KANK1: variants seen among roughly 807,000 people sequenced by gnomAD.
The protein encoded by KANK1 is KN motif and ankyrin repeat domain-containing protein 1.
KANK1 carries 109 observed loss-of-function variants against 106.2 expected under a neutral mutation model. The ratio of observed to expected loss-of-function variants is 1.03; its 90% CI spans 0.88 to 1.20. KANK1 has a LOEUF of 1.20. Among genes scored for constraint, KANK1 ranks in the 50% most tolerant of loss-of-function variants. The pLI, the probability that KANK1 is intolerant of heterozygous loss-of-function variation, is 0.00. For missense variants in KANK1, 2,399 were observed against 1,710.7 expected (o/e 1.40, Z -7.10); for synonymous variants, 873 against 652.2 (o/e 1.34, Z -5.16).
intron 1 of KANK1, among the ~76,000 whole-genome samples, chr9:572,492 C>T (rs1287338137): frequency 1.3e-5 from 2 of 151,968 alleles, no homozygotes; most frequent in South Asian, 2.1e-4. Context: ...GTGGAGCTTG[C>T]AGTGAGCCGA....
At chr9:538,367 G>A (rs2133767743) in intron 1 of KANK1, among the ~76,000 whole-genome samples, 1 of 152,278 alleles carries the variant, frequency 6.6e-6, no homozygotes, top group South Asian at 2.1e-4. Context: ...AGGAGGGGCA[G>A]ACATCTTACA....
intron 1 of KANK1, among the ~76,000 whole-genome samples, chr9:601,960 A>G (rs1022496950): frequency 6.6e-6 from 1 of 151,822 alleles, no homozygotes; most frequent in African/African-American, 2.4e-5. Context: ...CATGAGTTTT[A>G]TGGTGAGCTC....
At chr9:534,914 A>T (rs530401785) in intron 1 of KANK1, among the ~76,000 whole-genome samples, 6 of 152,290 alleles carry the variant, frequency 3.9e-5, no homozygotes, top group Admixed American at 3.3e-4. Context: ...AATTCCATGG[A>T]TGGAGATGGG....
chr9:544,525 G>T (rs1251983523), intron 1 of KANK1, among the ~76,000 whole-genome samples: 2 of 152,308 alleles, frequency 1.3e-5, no homozygotes, highest in East Asian at 3.9e-4. Context: ...CAAACACTAT[G>T]TGGAGGAATA....
chr9:508,219 A>G (rs1275643686), intron 1 of KANK1, among the ~76,000 whole-genome samples: 1 of 131,862 alleles, frequency 7.6e-6, no homozygotes, highest in Non-Finnish European at 1.5e-5. Flanking sequence ...GCTCACTGCA[A>G]CCTCTGCCTC....
At chr9:744,041 A>T (rs1359088002) in intron 10 of KANK1, among the ~76,000 whole-genome samples, 1 of 152,204 alleles carries the variant, frequency 6.6e-6, no homozygotes, top group Non-Finnish European at 1.5e-5. Flanking sequence ...TTGCGTGCTT[A>T]CACACAGATG....
chr9:577,607 G>C (rs530585974), intron 1 of KANK1, among the ~76,000 whole-genome samples: 29 of 152,280 alleles, frequency 1.9e-4, no homozygotes, highest in East Asian at 1.4e-3. Flanking sequence ...CCACCCTTCA[G>C]ACTTCTTTGT....
intron 1 of KANK1, among the ~76,000 whole-genome samples, chr9:668,780 T>C (rs1845247970): frequency 1.3e-5 from 2 of 152,142 alleles, no homozygotes; most frequent in Non-Finnish European, 1.5e-5. Flanking sequence ...ATGGAAGACA[T>C]TTTTTCCATA....
At chr9:732,077 C>G in intron 5 of KANK1, 1 of 217,148 alleles carries the variant, frequency 4.6e-6, no homozygotes, top group Non-Finnish European at 9.3e-6. Flanking sequence ...AAGCACCTAC[C>G]GATCTGTTTT....
chr9:596,984 TA>T (rs1826380769), intron 1 of KANK1, among the ~76,000 whole-genome samples: 1 of 151,952 alleles, frequency 6.6e-6, no homozygotes, highest in Non-Finnish European at 1.5e-5. Flanking sequence ...ACATGTAAAA[TA>T]AATGTTCTCA....
chr9:669,082 C>T (rs938008728), intron 1 of KANK1, among the ~76,000 whole-genome samples: 13 of 152,096 alleles, frequency 8.5e-5, no homozygotes, highest in African/African-American at 3.1e-4. Context: ...TAAAACAACC[C>T]TCCATCTTTA....
At chr9:614,756 C>T (rs959553253) in intron 1 of KANK1, among the ~76,000 whole-genome samples, 5 of 151,862 alleles carry the variant, frequency 3.3e-5, no homozygotes, top group African/African-American at 1.2e-4. Context: ...AGGTTGTGGG[C>T]CTTGTGGATT....
chr9:475,122 A>G (rs1587177919), intron 3 of KANK1, among the ~76,000 whole-genome samples: 2 of 152,208 alleles, frequency 1.3e-5, no homozygotes, highest in East Asian at 1.9e-4. Context: ...CAGCTTCACA[A>G]TAAGATCTCA....
intron 1 of KANK1, among the ~76,000 whole-genome samples, chr9:589,547 G>A (rs1292499795): frequency 6.6e-6 from 1 of 151,984 alleles, no homozygotes; most frequent in Non-Finnish European, 1.5e-5. Flanking sequence ...TAAAGAAAGG[G>A]AAAAACAGGG....
At chr9:579,965 C>A (rs1821604882) in intron 1 of KANK1, among the ~76,000 whole-genome samples, 1 of 152,152 alleles carries the variant, frequency 6.6e-6, no homozygotes. Flanking sequence ...TCCAGTGATG[C>A]TGTGTCCGAA....
intron 1 of KANK1, chr9:549,567 G>C (rs2134042996): frequency 6.6e-6 from 1 of 152,180 alleles, no homozygotes; most frequent in South Asian, 2.1e-4. Flanking sequence ...TCCTATTCTG[G>C]CTCCAACAGC....
intron 3 of KANK1, among the ~76,000 whole-genome samples, chr9:481,759 G>A (rs537917892): frequency 2.0e-5 from 3 of 152,092 alleles, no homozygotes; most frequent in Admixed American, 6.6e-5. Flanking sequence ...CGGGAGCATC[G>A]TTTGAGCCCA....
intron 1 of KANK1, among the ~76,000 whole-genome samples, chr9:529,181 C>T (rs1034619939): frequency 2.0e-5 from 3 of 151,854 alleles, no homozygotes; most frequent in Admixed American, 1.3e-4. Context: ...TCTCTCTTTA[C>T]AGGCAACTGG....
intron 1 of KANK1, among the ~76,000 whole-genome samples, chr9:580,547 T>A (rs1418716479): frequency 6.6e-6 from 1 of 152,168 alleles, no homozygotes; most frequent in Non-Finnish European, 1.5e-5. Flanking sequence ...GACGCAAAAG[T>A]TCTCCAAGTC....
Sources: allele counts gnomAD v4.1 joint callset (sites outside exome capture counted in the v4.1 genomes callset), GRCh38; gene constraint gnomAD v4.1.1; transcripts MANE v1.5; gene names NCBI Gene and HGNC (gene_info 2026-07-23, HGNC 2026-07-21).